Variants in TAPBP observed in about 807,000 individuals in gnomAD.
TAPBP encodes tapasin.
Under a neutral mutation model 45.7 loss-of-function variants are expected in TAPBP, and 38 were observed. The observed-to-expected ratio is 0.83, with a 90% CI of 0.64 to 1.09. The LOEUF is 1.09. TAPBP is among the 50% of genes least tolerant of loss of function. The pLI is 0.00. For missense variants in TAPBP, 513 were observed against 587.3 expected, an observed-to-expected ratio of 0.87 and a Z score of 1.31; for synonymous variants, 226 against 254.8, an observed-to-expected ratio of 0.89 and a Z score of 1.08.
At chr6:33,309,089 TAA>T (rs11376895) in intron 3 of TAPBP, among the ~76,000 whole-genome samples, 476 of 146,344 alleles carry the variant, frequency 3.3e-3, no homozygotes, top group South Asian at 4.3e-3. Context: ...TTTGAATTGT[TAA>T]AAAAAAAAAA....
intron 3 of TAPBP, among the ~76,000 whole-genome samples, chr6:33,310,742 C>T (rs1383166262): frequency 6.6e-6 from 1 of 151,118 alleles, no homozygotes; most frequent in Non-Finnish European, 1.5e-5. Flanking sequence ...TCACTTGAGC[C>T]ACGGAGGTGG....
chr6:33,310,116 C>A (rs1769246729), intron 3 of TAPBP, among the ~76,000 whole-genome samples: 1 of 151,958 alleles, frequency 6.6e-6, no homozygotes, highest in African/African-American at 2.4e-5. Flanking sequence ...CCTAGACCTC[C>A]CAAAGTGCTG....
Position 33,313,021 on chromosome 6 carries a change from T to G in TAPBP, c.469+196A>C. The G allele has an allele frequency of 3.8e-6, 2 of 526,500 alleles. No individual in the cohort carries two copies. The highest frequency in any genetic ancestry group is 6.0e-6 in the Non-Finnish European group (2 of 334,784). The allele number at this position is 526,500 out of a possible 1,614,324, so 32.6% of individuals were successfully genotyped here. ...GCCAAGCTGCAGTTTTTTTTTTGTT[T>G]TTTTTTTTTAACTGGGTGAGGGCTA... On this transcript the variant is annotated intron_variant, in intron 3 of 7. Coordinates refer to ENST00000434618, the MANE Select transcript of TAPBP (RefSeq NM_003190.5). This position sits in a 1 kb window ranked among gnomAD's most constrained non-coding sequence, Gnocchi z 7.2.
At position 33,310,270 on chromosome 6, in the gene TAPBP, C is replaced by G. The variant is rs530790953; in HGVS notation, c.469+2947G>C. Among the ~76,000 whole-genome samples, 74 of 151,856 alleles carry G rather than the reference C, an allele frequency of 4.9e-4. 1 individual carries two copies. Among genetic ancestry groups the G allele is most frequent in the Admixed American group, 7.2e-4 (11 of 15,256 alleles). On this transcript the variant is annotated intron_variant, in intron 3 of 7. Coordinates refer to ENST00000434618, the MANE Select transcript of TAPBP (RefSeq NM_003190.5). ...CCTGTAATCCCAGCAATTTGGGAGG[C>G]TGAGGTGGGTGGATCACCTGAGGTC...
At chr6:33,309,258 G>T (rs546031079) in intron 3 of TAPBP, among the ~76,000 whole-genome samples, 2 of 152,140 alleles carry the variant, frequency 1.3e-5, no homozygotes, top group African/African-American at 2.4e-5. Context: ...GGTGGCACAC[G>T]CCTGTAATCA....
chr6:33,303,844 T>C (rs780123499), intron 7 of TAPBP, 111 bp downstream of exon 7: 4 of 1,606,584 alleles, frequency 2.5e-6, no homozygotes, highest in Non-Finnish European at 3.4e-6. Context: ...TCAGTGTGAA[T>C]TCCAAGCCTA....
intron 7 of TAPBP, 60 bp downstream of exon 7, chr6:33,303,895 T>A: frequency 6.2e-7 from 1 of 1,614,016 alleles, no homozygotes; most frequent in Middle Eastern, 1.6e-4. Flanking sequence ...CCATGGGTTT[T>A]GAGATAGGAT....
Position 33,313,052 on chromosome 6 carries a change from A to C in TAPBP, c.469+165T>G. ...TTTTAACTGGGTGAGGGCTAGAAGG[A>C]GCGGTAGAGATTGATTCATTCTAGC... On this transcript the variant is annotated intron_variant, in intron 3 of 7. Coordinates refer to ENST00000434618, the MANE Select transcript of TAPBP (RefSeq NM_003190.5). This position sits in a 1 kb window ranked among gnomAD's most constrained non-coding sequence, Gnocchi z 7.2. 5.0e-6 allele frequency: 3 copies of C among 599,426 alleles called. No individual in the cohort carries two copies. Among genetic ancestry groups the C allele is most frequent in the Non-Finnish European group, 8.0e-6 (3 of 375,056 alleles). 37.1% of individuals were successfully genotyped at this position (599,426 alleles called of 1,614,324 possible).
intron 4 of TAPBP, 135 bp downstream of exon 4, chr6:33,304,854 C>T (rs561114462): frequency 1.6e-5 from 23 of 1,425,778 alleles, no homozygotes; most frequent in Non-Finnish European, 2.1e-5. Context: ...CATTACCCCT[C>T]TAACTCCCAG....
At position 33,313,405 on chromosome 6, in the gene TAPBP, C is replaced by T; in HGVS notation, c.281G>A (p.Ser94Asn). ...RGAPAPHCEM[S>N]RFVPLPASAK... ...AGAGGCGGGGAGAGGCACGAAGCGG[C>T]TCATCTCGCAGTGTGGTGCGGGGGC... Residue 94 changes from serine (S) to asparagine (N), a missense_variant, in exon 3 of 8, where the codon AGC becomes AAC. Transcript: ENST00000434618. The surrounding 1 kb of genome is among the most constrained non-coding windows in gnomAD (Gnocchi z 7.2). 3 of 1,610,282 alleles carry T rather than the reference C, an allele frequency of 1.9e-6. No individual in the cohort carries two copies. Among genetic ancestry groups the T allele is most frequent in the Middle Eastern group, 1.7e-4 (1 of 6,016 alleles).
rs1768914992 is a variant in TAPBP, at chr6:33,305,423, C to T, written c.470-36G>A. 6.7e-7 allele frequency: 1 copy of T among 1,489,416 alleles called. No individual in the cohort carries two copies. The highest frequency in any genetic ancestry group is 1.4e-5 in the South Asian group (1 of 70,548). 92.3% of individuals were successfully genotyped at this position (1,489,416 alleles called of 1,614,324 possible). A position where few individuals can be genotyped will look rare whatever the true frequency, so the allele number is the denominator to read the frequency against. ...CAGGGAGATGAGGGGTTGGGAGGGG[C>T]ATGAGGGAGAGAAAGAAGGAGAAAA... On this transcript the variant is annotated intron_variant, in intron 3 of 7. Transcript: ENST00000434618. The surrounding 1 kb of genome is among the most constrained non-coding windows in gnomAD (Gnocchi z 4.4).
Position 33,313,408 on chromosome 6 carries a change from A to G in TAPBP, c.278T>C (p.Met93Thr). ...PRGAPAPHCE[M>T]SRFVPLPASA... ...GGCGGGGAGAGGCACGAAGCGGCTC[A>G]TCTCGCAGTGTGGTGCGGGGGCGCC... Residue 93 changes from methionine to threonine, a missense_variant, in exon 3 of 8, where the codon ATG (methionine) becomes ACG (threonine). Met to Thr is a moderately conservative substitution (Grantham distance 81). Coordinates refer to ENST00000434618, the MANE Select transcript of TAPBP (RefSeq NM_003190.5). The surrounding 1 kb of genome is among the most constrained non-coding windows in gnomAD (Gnocchi z 7.2). 3 of 1,609,880 alleles carry G rather than the reference A, an allele frequency of 1.9e-6. No homozygotes were observed. Among genetic ancestry groups the G allele is most frequent in the Non-Finnish European group, 1.7e-6 (2 of 1,177,696 alleles).
intron 4 of TAPBP, 136 bp from the exon 5 acceptor site, chr6:33,304,774 C>T: frequency 1.6e-6 from 2 of 1,263,386 alleles, no homozygotes; most frequent in Non-Finnish European, 2.2e-6. Flanking sequence ...AACCCACTGT[C>T]TCTCCATTGG....
rs9280403 is a variant in TAPBP at position 33,313,018 on chromosome 6, G to GT, written c.469+198dup. 0.045 allele frequency: 16,579 copies of GT among 370,882 alleles called. 180 individuals are homozygous for GT. The highest frequency in any genetic ancestry group is 0.11 in the East Asian group (2,448 of 21,596). 23.0% of individuals were successfully genotyped at this position (370,882 alleles called of 1,614,324 possible). On this transcript the variant is annotated intron_variant, in intron 3 of 7. Coordinates refer to ENST00000434618, the MANE Select transcript of TAPBP (RefSeq NM_003190.5). The surrounding 1 kb of genome is among the most constrained non-coding windows in gnomAD (Gnocchi z 7.2). ...CCTGCCAAGCTGCAGTTTTTTTTTT[G>GT]TTTTTTTTTTTTAACTGGGTGAGGG...
At position 33,303,517 on chromosome 6, in the gene TAPBP, T is replaced by C. The variant is rs1468699551; in HGVS notation, c.1335+438A>G. 1.9e-5 allele frequency: 10 copies of C among 534,006 alleles called. No individual in the cohort carries two copies. In the Admixed American group the frequency reaches 3.3e-4, roughly 17 times the overall value. 33.1% of individuals were successfully genotyped at this position (534,006 alleles called of 1,614,324 possible). A position where few individuals can be genotyped will look rare whatever the true frequency, so the allele number is the denominator to read the frequency against. On this transcript the variant is annotated intron_variant, in intron 7 of 7. Coordinates refer to ENST00000434618, the MANE Select transcript of TAPBP (RefSeq NM_003190.5). ...GATTTGGGTCTGATCCCAAAGATAT[T>C]AAATATATGCAAATATTCCAAAGTC...
rs752989371 is a variant in TAPBP, at chr6:33,304,004, T to C, written c.1301-15A>G. On this transcript the variant is annotated splice_polypyrimidine_tract_variant and intron_variant, in intron 6 of 7. Coordinates refer to ENST00000434618, the MANE Select transcript of TAPBP (RefSeq NM_003190.5). ...CAGGTAGACAGCTGTGGGGAAAGAT[T>C]GAGAAGGGATGGGATGCTGGAGTGG... 1 of 1,613,368 alleles carries C rather than the reference T, an allele frequency of 6.2e-7. No individual in the cohort carries two copies. Among genetic ancestry groups the C allele is most frequent in the Non-Finnish European group, 8.5e-7 (1 of 1,179,888 alleles).
At chr6:33,312,807 G>T (rs780937324) in intron 3 of TAPBP, among the ~76,000 whole-genome samples, 1 of 152,178 alleles carries the variant, frequency 6.6e-6, no homozygotes, top group Non-Finnish European at 1.5e-5. Context: ...AAAGCTGAGG[G>T]TGCAGAGCAA....
chr6:33,307,913 T>A (rs188076497), intron 3 of TAPBP, among the ~76,000 whole-genome samples: 2 of 152,340 alleles, frequency 1.3e-5, no homozygotes, highest in African/African-American at 4.8e-5. Flanking sequence ...ACTATTTTCA[T>A]TACCTTCATC....
At position 33,305,265 on chromosome 6, in the gene TAPBP, C is replaced by G; in HGVS notation, c.592G>C (p.Gly198Arg). The G allele has an allele frequency of 6.2e-7, 1 of 1,601,740 alleles. No homozygotes were observed. The highest frequency in any genetic ancestry group is 8.5e-7 in the Non-Finnish European group (1 of 1,172,772). ...CACTCTAGCCCAAAGGGAGGGGGAC[C>G]CGGAGCCAGAGATGAGGCGGCCTCG... ...TSEAASSLAP[G>R]PPPFGLEWRR... The change falls in exon 4 of 8, where the codon GGT becomes CGT. Residue 198 changes from glycine (G) to arginine (R), a missense_variant. Gly to Arg is a moderately radical substitution (Grantham distance 125). Transcript: ENST00000434618. This position sits in a 1 kb window ranked among gnomAD's most constrained non-coding sequence, Gnocchi z 4.4.
Sources: gnomAD v4.1 joint callset for allele counts (sites outside exome capture counted in the v4.1 genomes callset) on GRCh38, gnomAD v4.1.1 for gene constraint, Gnocchi (gnomAD v3.1) non-coding constraint, MANE v1.5 for transcripts, NCBI Gene and HGNC (gene_info 2026-07-23, HGNC 2026-07-21) for gene names.